The following MERTK variants were observed in gnomAD, a reference collection of about 807,000 sequenced individuals.
MERTK encodes the protein tyrosine-protein kinase Mer.
MERTK carries 69 observed loss-of-function variants against 99.3 expected under a neutral mutation model. The ratio of observed to expected loss-of-function variants is 0.70; its 90% CI spans 0.57 to 0.85. MERTK has a LOEUF of 0.85. MERTK is among the 40% of genes least tolerant of loss of function. The pLI, the probability that MERTK is intolerant of heterozygous loss-of-function variation, is 0.00. For synonymous variants in MERTK, 426 were observed against 467.6 expected (o/e 0.91, Z 1.15); for missense variants, 1,125 against 1,249.4 (o/e 0.90, Z 1.50).
intron 4 of MERTK, among the ~76,000 whole-genome samples, chr2:111,957,208 A>G (rs905503871): frequency 1.3e-5 from 2 of 151,580 alleles, no homozygotes; most frequent in Non-Finnish European, 2.9e-5. Context: ...GGTGTGAGCC[A>G]CTGCGCCCGG....
intron 6 of MERTK, among the ~76,000 whole-genome samples, chr2:111,972,092 A>G (rs6754526): frequency 0.24 from 36,567 of 152,038 alleles, 4,604 homozygotes; most frequent in Middle Eastern, 0.36. Flanking sequence ...ATGCAATGGC[A>G]CAGTCTCAAC....
At chr2:111,977,314 G>A (rs1024956486) in intron 7 of MERTK, among the ~76,000 whole-genome samples, 9 of 152,012 alleles carry the variant, frequency 5.9e-5, no homozygotes, top group African/African-American at 9.7e-5. Flanking sequence ...TTTTTATGAG[G>A]TATAGAACTG....
intron 2 of MERTK, among the ~76,000 whole-genome samples, chr2:111,932,531 G>C (rs1441149764): frequency 6.6e-6 from 1 of 152,196 alleles, no homozygotes; most frequent in Admixed American, 6.5e-5. Context: ...TACCAAATTT[G>C]CCTGTATATG....
At chr2:112,023,128 A>C (rs543974168) in intron 18 of MERTK, among the ~76,000 whole-genome samples, 2 of 152,084 alleles carry the variant, frequency 1.3e-5, no homozygotes, top group South Asian at 2.1e-4. Flanking sequence ...AAAATAATAA[A>C]ATAAGGCCGA....
At chr2:111,917,613 G>T (rs1684376632) in intron 1 of MERTK, among the ~76,000 whole-genome samples, 1 of 152,138 alleles carries the variant, frequency 6.6e-6, no homozygotes, top group Non-Finnish European at 1.5e-5. Flanking sequence ...GAGGCCAGGC[G>T]CAGTGGCCGA....
Position 111,968,240 on chromosome 2 carries a change from T to C in MERTK, c.948T>C (p.Asn316=), listed in dbSNP as rs1213436570. 6.2e-7 allele frequency: 1 copy of C among 1,612,948 alleles called. No homozygotes were observed. The highest frequency in any genetic ancestry group is 1.3e-5 in the African/African-American group (1 of 74,864). The change falls in exon 6 of 19, where the codon AAT becomes AAC. Residue 316 remains asparagine, a synonymous_variant. Coordinates refer to ENST00000295408, the MANE Select transcript of MERTK (RefSeq NM_006343.3). ...PGFDGYSPFR[N]CSIQVKEADP... ...TTGATGGATACTCCCCGTTCAGGAA[T>C]TGCAGCATTCAGGTAAAGTTCCAGG... is the stretch of plus-strand genomic sequence containing the variant.
rs765670491 is a variant in MERTK at position 111,947,565 on chromosome 2, C to T, written c.755C>T (p.Pro252Leu). The T allele has an allele frequency of 1.2e-6, 2 of 1,613,988 alleles. No individual in the cohort carries two copies. The highest frequency in any genetic ancestry group is 2.2e-5 in the East Asian group (1 of 44,880). ...PEKSPSVLTV[P>L]GLTEMAVFSC... The stretch of plus-strand genomic sequence containing the variant: ...AAATCCCCCTCCGTGCTAACTGTTC[C>T]AGGTAAGTCCGAGCTGTGGGCTTAT... The change falls in exon 4 of 19, where the codon CCA (proline) becomes CTA (leucine). Residue 252 changes from proline to leucine, a missense_variant and splice_region_variant. Coordinates refer to ENST00000295408, the MANE Select transcript of MERTK (RefSeq NM_006343.3).
chr2:111,988,204 G>A (rs909123786), intron 8 of MERTK, among the ~76,000 whole-genome samples: 82 of 152,100 alleles, frequency 5.4e-4, no homozygotes, highest in African/African-American at 1.8e-3. Flanking sequence ...TGTGCCCACC[G>A]CCTCTTCCTG....
chr2:111,944,052 A>T (rs1186914368), intron 2 of MERTK, among the ~76,000 whole-genome samples: 1 of 152,072 alleles, frequency 6.6e-6, no homozygotes, highest in Non-Finnish European at 1.5e-5. Context: ...TAATCCTAGC[A>T]CTTTGGGAGG....
chr2:111,918,694 A>G (rs552214136), intron 1 of MERTK, among the ~76,000 whole-genome samples: 10 of 152,380 alleles, frequency 6.6e-5, no homozygotes, highest in Non-Finnish European at 1.2e-4. Flanking sequence ...TTGATAGTCC[A>G]GGCATGACTA....
Position 112,021,422 on chromosome 2 carries a change from G to A in MERTK, c.2190G>A (p.Met730Ile). The A allele has an allele frequency of 1.2e-6, 2 of 1,613,098 alleles. No individual in the cohort carries two copies. The highest frequency in any genetic ancestry group is 1.8e-4 in the Middle Eastern group (1 of 5,412). Residue 730 changes from methionine (M) to isoleucine (I), a missense_variant and splice_region_variant, in exon 17 of 19, where the codon ATG becomes ATA. By Grantham distance (10) the Met-to-Ile change is conservative (BLOSUM62 1). Coordinates refer to ENST00000295408, the MANE Select transcript of MERTK (RefSeq NM_006343.3). Reference protein sequence around the residue: ...LHRDLAARNCMLRDDMTVCVA... With the variant: ...LHRDLAARNCILRDDMTVCVA... ...TGAAGACGTAACCTGCTCTCTGTAG[G>A]TTGCGAGATGACATGACTGTCTGTG... is the stretch of plus-strand genomic sequence containing the variant.
At chr2:112,019,584 TAGTG>T (rs145713344) in intron 16 of MERTK, 62 bp downstream of exon 16, 2 of 1,236,362 alleles carry the variant, frequency 1.6e-6, no homozygotes, top group African/African-American at 3.0e-5. Context: ...TTTGCAGGGT[TAGTG>T]AGAGGACCTG....
chr2:111,968,257 A>G lies in MERTK; in HGVS notation c.960+5A>G. On this transcript the variant is annotated splice_donor_5th_base_variant and intron_variant, in intron 6 of 18. Coordinates refer to ENST00000295408, the MANE Select transcript of MERTK (RefSeq NM_006343.3). ...TTCAGGAATTGCAGCATTCAGGTAA[A>G]GTTCCAGGGTGAAGAGGGAAGTAGC... The G allele has an allele frequency of 1.2e-6, 2 of 1,606,122 alleles. No individual in the cohort carries two copies. The highest frequency in any genetic ancestry group is 3.3e-4 in the Middle Eastern group (2 of 6,040).
At chr2:111,919,713 G>T (rs1005320208) in intron 1 of MERTK, among the ~76,000 whole-genome samples, 22 of 151,954 alleles carry the variant, frequency 1.4e-4, no homozygotes, top group African/African-American at 4.8e-4. Context: ...GGCCCTTGGG[G>T]CTTGCCCTGC....
chr2:111,926,758 T>C (rs1367655254), intron 1 of MERTK, among the ~76,000 whole-genome samples: 6 of 152,066 alleles, frequency 3.9e-5, no homozygotes, highest in African/African-American at 1.4e-4. Context: ...AAAGCCTACA[T>C]GAGTAAGTAG....
intron 10 of MERTK, among the ~76,000 whole-genome samples, chr2:111,998,348 C>T (rs1676796310): frequency 6.6e-6 from 1 of 152,068 alleles, no homozygotes; most frequent in Non-Finnish European, 1.5e-5. Flanking sequence ...CATGTGGGTT[C>T]ATCATAAAAC....
At chr2:111,928,216 C>CCTT (rs1558774697) in intron 1 of MERTK, among the ~76,000 whole-genome samples, 8 of 84,864 alleles carry the variant, frequency 9.4e-5, no homozygotes, top group Admixed American at 1.6e-4. Flanking sequence ...CCATGAGCAG[C>CCTT]TTTTTTTTTT....
chr2:111,957,257 G>A (rs781318122), intron 4 of MERTK, among the ~76,000 whole-genome samples: 6 of 152,062 alleles, frequency 3.9e-5, no homozygotes, highest in African/African-American at 9.7e-5. Context: ...CCATGTGGCC[G>A]CTGGAGCAAT....
intron 18 of MERTK, among the ~76,000 whole-genome samples, chr2:112,025,955 TTC>T (rs1026728094): frequency 1.3e-5 from 2 of 152,208 alleles, no homozygotes; most frequent in Non-Finnish European, 2.9e-5. Flanking sequence ...ACTAATCCCA[TTC>T]TCTCCTCAAT....
Sources: allele counts gnomAD v4.1 joint callset (sites outside exome capture counted in the v4.1 genomes callset), GRCh38; gene constraint gnomAD v4.1.1; transcripts MANE v1.5; gene names NCBI Gene and HGNC (gene_info 2026-07-23, HGNC 2026-07-21).